LRP4: variants seen among roughly 807,000 people sequenced by gnomAD.
LRP4 encodes low-density lipoprotein receptor-related protein 4.
Under a neutral mutation model 220.3 loss-of-function variants are expected in LRP4, and 95 were observed. That is an observed-to-expected ratio of 0.43 (90% CI 0.37 to 0.51). The LOEUF (loss-of-function observed/expected upper bound fraction) is 0.51, where lower values mean the gene tolerates loss of function less well. Ranked by LOEUF, LRP4 falls within the 20% of genes least tolerant of loss-of-function variation. The pLI is 0.00. For missense variants in LRP4, 1,925 were observed against 2,567.0 expected, an observed-to-expected ratio of 0.75 and a Z score of 5.40; for synonymous variants, 903 against 954.6, an observed-to-expected ratio of 0.95 and a Z score of 1.00.
chr11:46,862,656 C>T lies in LRP4; in HGVS notation c.5335G>A (p.Glu1779Lys). Residue 1779 changes from glutamate to lysine, a missense_variant, in exon 37 of 38, where the codon GAA (glutamate) becomes AAA (lysine). Transcript: ENST00000378623. ...TACATGGCTGGTTTGGGGATTGCTT[C>T]AATCTTCACTTCCTGTGTGGATGTT... ...YRTSTQEVKIEAIPKPAMYNQ... is the reference protein window; with the variant it reads ...YRTSTQEVKIKAIPKPAMYNQ... 6.2e-7 allele frequency: 1 copy of T among 1,614,088 alleles called. No individual in the cohort carries two copies. The highest frequency in any genetic ancestry group is 1.3e-5 in the African/African-American group (1 of 75,022).
At position 46,889,431 on chromosome 11, in the gene LRP4, C is replaced by T; in HGVS notation, c.2195G>A (p.Ser732Asn). The T allele has an allele frequency of 6.2e-7, 1 of 1,614,108 alleles. No individual in the cohort carries two copies. The highest frequency in any genetic ancestry group is 8.5e-7 in the Non-Finnish European group (1 of 1,180,034). Residue 732 changes from serine (S) to asparagine (N), a missense_variant, in exon 16 of 38, where the codon AGC becomes AAC. By Grantham distance (46) the Ser-to-Asn change is conservative. Coordinates refer to ENST00000378623, the MANE Select transcript of LRP4 (RefSeq NM_002334.4). ...CTTACTCTGGGCACAGGCGTGGCTG[C>T]TGATCTTGCGGAAGCCAGTGGGGCA... The part of the protein sequence containing the change: ...CACPTGFRKI[S>N]SHACAQSLDK...
intron 32 of LRP4, 107 bp from the exon 33 acceptor site, chr11:46,868,820 G>GTCCCT: frequency 8.2e-7 from 1 of 1,223,764 alleles, no homozygotes; most frequent in Non-Finnish European, 1.2e-6. Context: ...CCCAGGGACA[G>GTCCCT]GGGAGGAGGA....
In LRP4 at chr11:46,859,018, G is replaced by A; in HGVS notation, c.5683C>T (p.His1895Tyr). The A allele has an allele frequency of 6.2e-7, 1 of 1,614,160 alleles. No homozygotes were observed. The highest frequency in any genetic ancestry group is 8.5e-7 in the Non-Finnish European group (1 of 1,180,026). The part of the protein sequence containing the change: ...RGSLPDTGWK[H>Y]ERKLSSESQV Reference sequence around the variant, plus strand: ...CTCTCTGAGGAGAGCTTGCGTTCATGTTTCCAGCCCGTGTCTGGCAGAGAG... The same window carrying A: ...CTCTCTGAGGAGAGCTTGCGTTCATATTTCCAGCCCGTGTCTGGCAGAGAG... Residue 1895 changes from histidine to tyrosine, a missense_variant, in exon 38 of 38, where the codon CAT becomes TAT. Physicochemically the swap from His to Tyr is moderately conservative, Grantham distance 83. Transcript: ENST00000378623.
rs754562148 is a variant in LRP4 at position 46,862,708 on chromosome 11, G to A, written c.5283C>T (p.Asn1761=). The change falls in exon 37 of 38, where the codon AAC becomes AAT. Residue 1761 remains asparagine, a synonymous_variant. Coordinates refer to ENST00000378623, the MANE Select transcript of LRP4 (RefSeq NM_002334.4). ...KSKFTDPGMG[N]LTYSNPSYRT... ...GGTAGGAGGGGTTGCTGTAGGTGAG[G>A]TTCCCCATTCCAGGATCAGTGAACT... 7 of 1,613,992 alleles carry A rather than the reference G, an allele frequency of 4.3e-6. No individual in the cohort carries two copies. Among genetic ancestry groups the A allele is most frequent in the Non-Finnish European group, 5.1e-6 (6 of 1,179,966 alleles).
chr11:46,913,468 G>A (rs1398307273), intron 1 of LRP4, among the ~76,000 whole-genome samples: 3 of 152,132 alleles, frequency 2.0e-5, no homozygotes, highest in South Asian at 2.1e-4. Flanking sequence ...GGGGCTATTC[G>A]GGGCTGGAGA....
chr11:46,903,764 G>C (rs531084306), intron 1 of LRP4, among the ~76,000 whole-genome samples: 22 of 152,348 alleles, frequency 1.4e-4, no homozygotes, highest in African/African-American at 4.6e-4. Context: ...CAGGAAGCAG[G>C]GTGGGCTGCT....
Position 46,894,797 on chromosome 11 carries a change from G to T in LRP4, c.1332C>A (p.Phe444Leu), listed in dbSNP as rs764941077. The T allele has an allele frequency of 6.2e-7, 1 of 1,614,118 alleles. No individual in the cohort carries two copies. ...KALGPEPVLLFANRIDIRQVL... is the reference protein window; with the variant it reads ...KALGPEPVLLLANRIDIRQVL... ...CCTGCCGGATGTCGATGCGATTGGC[G>T]AACAGCAGCACAGGCTCTGGCCCTG... is the stretch of plus-strand genomic sequence containing the variant. The change falls in exon 12 of 38, where the codon TTC (phenylalanine) becomes TTA (leucine). Residue 444 changes from phenylalanine (F) to leucine (L), a missense_variant. Transcript: ENST00000378623.
rs532846709 is a variant in LRP4 at position 46,916,701 on chromosome 11, ATT to A, written c.52+1625_52+1626del. ...TTTGTTGGTATCCGTTTTAACCCTA[ATT>A]TTTTTTTTTTTTCCCAGTGCCTTGC... is the stretch of plus-strand genomic sequence containing the variant. On this transcript the variant is annotated intron_variant, in intron 1 of 37. Coordinates refer to ENST00000378623, the MANE Select transcript of LRP4 (RefSeq NM_002334.4). Among the ~76,000 whole-genome samples, 14 of 142,984 alleles carry A rather than the reference ATT, an allele frequency of 9.8e-5. No individual in the cohort carries two copies. The East Asian group carries it at 2.2e-3, about 23-fold the overall frequency. The allele number at this position is 142,984 out of a possible 152,430, so 93.8% of individuals were successfully genotyped here. A position where few individuals can be genotyped will look rare whatever the true frequency, so the allele number is the denominator to read the frequency against.
rs550365132 is a variant in LRP4, at chr11:46,884,325, C to T, written c.2507-349G>A. 3.0e-4 allele frequency among the ~76,000 whole-genome samples: 46 copies of T among 152,202 alleles called. 1 individual carries two copies. Among genetic ancestry groups the T allele is most frequent in the African/African-American group, 1.1e-3 (46 of 41,528 alleles). On this transcript the variant is annotated intron_variant, in intron 18 of 37. Coordinates refer to ENST00000378623, the MANE Select transcript of LRP4 (RefSeq NM_002334.4). ...TTTTTTTAAAATAAAAATATTCAGC[C>T]GGGCGTGGTGGCTCACGCCTGTAAT...
intron 36 of LRP4, among the ~76,000 whole-genome samples, chr11:46,863,775 A>C (rs898409554): frequency 6.6e-6 from 1 of 151,758 alleles, no homozygotes; most frequent in Non-Finnish European, 1.5e-5. Flanking sequence ...ATAAGACAAA[A>C]ATTAAAAAAA....
chr11:46,868,778 C>A, intron 32 of LRP4, 65 bp from the exon 33 acceptor site: 1 of 1,367,138 alleles, frequency 7.3e-7, no homozygotes, highest in East Asian at 2.3e-5. Context: ...TAAGGCTTCT[C>A]AAAAACAGAG....
At chr11:46,868,222 G>T in intron 33 of LRP4, 108 bp from the exon 34 acceptor site, 1 of 1,329,056 alleles carries the variant, frequency 7.5e-7, no homozygotes, top group Non-Finnish European at 1.1e-6. Context: ...AGCTGCCCTA[G>T]TCCCAGGCAC....
chr11:46,871,964 G>C (rs1408010211), intron 30 of LRP4, among the ~76,000 whole-genome samples: 1 of 152,126 alleles, frequency 6.6e-6, no homozygotes, highest in Non-Finnish European at 1.5e-5. Flanking sequence ...TCTTTAAGAA[G>C]AGAGCTCACT....
At position 46,873,544 on chromosome 11, in the gene LRP4, G is replaced by C; in HGVS notation, c.4279C>G (p.Leu1427Val). The change falls in exon 29 of 38, where the codon CTG becomes GTG. Residue 1427 changes from leucine (L) to valine (V), a missense_variant. This residue lies in a region of LRP4 where 1,244 missense variants were observed against 1,624.9 expected (regional missense o/e 0.77). Coordinates refer to ENST00000378623, the MANE Select transcript of LRP4 (RefSeq NM_002334.4). The surrounding 1 kb of genome is among the most constrained non-coding windows in gnomAD (Gnocchi z 4.2). The part of the protein sequence containing the change: ...SNMETVIGRG[L>V]KTTDGLAVDW... ...ACTGCCAGCCCGTCAGTGGTCTTCA[G>C]CCCTCGCCCGATCACTGTCTCCATG... 1 of 1,614,042 alleles carries C rather than the reference G, an allele frequency of 6.2e-7. No individual in the cohort carries two copies. Among genetic ancestry groups the C allele is most frequent in the Non-Finnish European group, 8.5e-7 (1 of 1,179,934 alleles).
At chr11:46,866,433 C>G (rs753234995) in intron 34 of LRP4, among the ~76,000 whole-genome samples, 2 of 150,844 alleles carry the variant, frequency 1.3e-5, no homozygotes, top group Admixed American at 6.6e-5. Context: ...AGGCATGGGC[C>G]ACCATGCCTG....
At chr11:46,870,809 T>A (rs138860290) in intron 31 of LRP4, among the ~76,000 whole-genome samples, 1 of 152,324 alleles carries the variant, frequency 6.6e-6, no homozygotes, top group African/African-American at 2.4e-5. Context: ...GTGTTAGAAC[T>A]CAAAAGTGAC....
intron 37 of LRP4, among the ~76,000 whole-genome samples, chr11:46,861,795 G>A (rs571070831): frequency 2.0e-5 from 3 of 152,154 alleles, no homozygotes; most frequent in African/African-American, 4.8e-5. Context: ...CAGGCTGGGC[G>A]CAGTGGCTCA....
Position 46,862,641 on chromosome 11 carries a change from G to A in LRP4, c.5350C>T (p.Pro1784Ser). ...QEVKIEAIPK[P>S]AMYNQLCYKK... is the part of the protein sequence containing the mutation. ...TAGCACAGCTGGTTGTACATGGCTG[G>A]TTTGGGGATTGCTTCAATCTTCACT... The change falls in exon 37 of 38, where the codon CCA becomes TCA. Residue 1784 changes from proline (P) to serine (S), a missense_variant. Transcript: ENST00000378623. 1 of 1,614,110 alleles carries A rather than the reference G, an allele frequency of 6.2e-7. No individual in the cohort carries two copies. The highest frequency in any genetic ancestry group is 8.5e-7 in the Non-Finnish European group (1 of 1,180,020).
intron 20 of LRP4, 134 bp downstream of exon 20, chr11:46,881,568 A>G: frequency 2.3e-6 from 2 of 881,314 alleles, no homozygotes; most frequent in South Asian, 2.7e-5. Flanking sequence ...CACATGCCCC[A>G]TGCTGGTCCC....
Sources: gnomAD v4.1 joint callset for allele counts (sites outside exome capture counted in the v4.1 genomes callset) on GRCh38, gnomAD v4.1.1 for gene constraint, gnomAD v4.1.1 regional missense constraint, Gnocchi (gnomAD v3.1) non-coding constraint, MANE v1.5 for transcripts, NCBI Gene and HGNC (gene_info 2026-07-23, HGNC 2026-07-21) for gene names.